MGMT: variants seen among roughly 807,000 people sequenced by gnomAD.
MGMT encodes methylated-DNA--protein-cysteine methyltransferase.
A neutral mutation model predicts 15.9 loss-of-function variants in MGMT; 14 were observed. That is an observed-to-expected ratio of 0.88 (90% CI 0.58 to 1.37). MGMT has a LOEUF of 1.37. MGMT is among the 40% of genes most tolerant of loss of function. MGMT has a pLI of 0.00. For synonymous variants in MGMT, 130 were observed against 118.2 expected (o/e 1.10, Z -0.65); for missense variants, 282 against 268.1 (o/e 1.05, Z -0.36).
At chr10:129,598,718 A>T (rs1358590142) in intron 2 of MGMT, among the ~76,000 whole-genome samples, 2 of 152,194 alleles carry the variant, frequency 1.3e-5, no homozygotes, top group African/African-American at 4.8e-5. Context: ...TAACTAGTAG[A>T]TAATTAAGTG....
chr10:129,617,177 A>G (rs1048296731), intron 2 of MGMT, among the ~76,000 whole-genome samples: 4 of 152,042 alleles, frequency 2.6e-5, no homozygotes, highest in Non-Finnish European at 5.9e-5. Flanking sequence ...CTTTGTGGCC[A>G]TGTGTACTCA....
rs1045102281 is a variant in MGMT, at chr10:129,728,764, G to A, written c.274+20721G>A. Among the ~76,000 whole-genome samples the A allele has an allele frequency of 3.3e-5, 5 of 151,482 alleles. 1 individual carries two copies. Among genetic ancestry groups the A allele is most frequent in the African/African-American group, 9.7e-5 (4 of 41,154 alleles). ...CCACCCCCTGTTCTCTGTCCCCCTG[G>A]TATTGGTTCGTCTGCTTGTGGTAAC... On this transcript the variant is annotated intron_variant, in intron 3 of 4. Transcript: ENST00000651593.
intron 2 of MGMT, among the ~76,000 whole-genome samples, chr10:129,571,653 A>G (rs1296936328): frequency 1.3e-5 from 2 of 152,170 alleles, no homozygotes; most frequent in African/African-American, 4.8e-5. Flanking sequence ...TCTGTCAACC[A>G]TGCTGAGAGG....
At chr10:129,483,559 A>C (rs2119640346) in intron 1 of MGMT, among the ~76,000 whole-genome samples, 1 of 152,178 alleles carries the variant, frequency 6.6e-6, no homozygotes, top group African/African-American at 2.4e-5. Flanking sequence ...TTTGCTTTTT[A>C]ATACTTTAAA....
At chr10:129,491,042 G>A (rs1272462269) in intron 1 of MGMT, among the ~76,000 whole-genome samples, 2 of 151,946 alleles carry the variant, frequency 1.3e-5, no homozygotes. Flanking sequence ...AGTCACTTTT[G>A]TCACTGTTTA....
At chr10:129,568,844 C>T (rs1419363903) in intron 2 of MGMT, among the ~76,000 whole-genome samples, 4 of 152,182 alleles carry the variant, frequency 2.6e-5, no homozygotes, top group African/African-American at 9.7e-5. Flanking sequence ...TCTTCCTGCG[C>T]TGCAACAGCT....
chr10:129,527,533 C>T (rs1278397616), intron 1 of MGMT, among the ~76,000 whole-genome samples: 1 of 152,136 alleles, frequency 6.6e-6, no homozygotes, highest in Middle Eastern at 3.2e-3. Flanking sequence ...AGACAGGCCC[C>T]GTTTTATGCA....
intron 4 of MGMT, among the ~76,000 whole-genome samples, chr10:129,765,289 A>G (rs533269615): frequency 6.6e-6 from 1 of 152,300 alleles, no homozygotes; most frequent in East Asian, 1.9e-4. Context: ...AGACTTCCCC[A>G]CATGCTCCTG....
intron 1 of MGMT, among the ~76,000 whole-genome samples, chr10:129,497,359 C>A (rs1845532761): frequency 6.6e-6 from 1 of 152,132 alleles, no homozygotes. Flanking sequence ...GTGGTGAGGG[C>A]CCTGCAGATT....
chr10:129,525,588 C>CTG, intron 1 of MGMT, among the ~76,000 whole-genome samples: 1 of 152,248 alleles, frequency 6.6e-6, no homozygotes, highest in South Asian at 2.1e-4. Flanking sequence ...GTATTCTTTA[C>CTG]AACCAAAGCA....
chr10:129,622,451 C>A (rs1311938284), intron 2 of MGMT, among the ~76,000 whole-genome samples: 1 of 152,166 alleles, frequency 6.6e-6, no homozygotes, highest in East Asian at 1.9e-4. Context: ...GTGCTGGAAC[C>A]TGATGCGGTC....
rs964253874 is a variant in MGMT, at chr10:129,736,810, C to G, written c.275-22392C>G. ...TCTGTAAAGTATTTTATTTCTCCTTCACTTAAGAAGCTTAGTTTGGCTGGA... is the reference window on the plus strand; with the variant it reads ...TCTGTAAAGTATTTTATTTCTCCTTGACTTAAGAAGCTTAGTTTGGCTGGA... On this transcript the variant is annotated intron_variant, in intron 3 of 4. Transcript: ENST00000651593. 2.6e-5 allele frequency among the ~76,000 whole-genome samples: 4 copies of G among 152,054 alleles called. No individual in the cohort carries two copies. The South Asian group carries it at 6.2e-4, about 24-fold the overall frequency.
At chr10:129,700,770 A>G (rs1165376668) in intron 2 of MGMT, 1 of 152,244 alleles carries the variant, frequency 6.6e-6, no homozygotes, top group Non-Finnish European at 1.5e-5. Context: ...TACCCCTGAA[A>G]GAAAACATCT....
chr10:129,571,844 A>G (rs1398388986), intron 2 of MGMT, among the ~76,000 whole-genome samples: 1 of 152,208 alleles, frequency 6.6e-6, no homozygotes, highest in African/African-American at 2.4e-5. Flanking sequence ...TATAAATATG[A>G]CTTTTATATG....
intron 2 of MGMT, among the ~76,000 whole-genome samples, chr10:129,654,816 G>GT (rs1287695396): frequency 2.0e-5 from 3 of 152,168 alleles, no homozygotes; most frequent in African/African-American, 7.2e-5. Context: ...ATACCTGAGG[G>GT]TGGGGGGCTG....
chr10:129,525,123 C>G (rs1845855290), intron 1 of MGMT, among the ~76,000 whole-genome samples: 1 of 151,074 alleles, frequency 6.6e-6, no homozygotes, highest in South Asian at 2.1e-4. Flanking sequence ...CTATTTCTTT[C>G]ACACACACAC....
At chr10:129,529,572 C>G (rs1015469908) in intron 1 of MGMT, among the ~76,000 whole-genome samples, 2 of 152,166 alleles carry the variant, frequency 1.3e-5, no homozygotes, top group African/African-American at 4.8e-5. Flanking sequence ...TAAGCCATAT[C>G]CACAGGAAGT....
intron 2 of MGMT, among the ~76,000 whole-genome samples, chr10:129,681,937 CAG>C (rs1417126408): frequency 6.6e-6 from 1 of 152,134 alleles, no homozygotes; most frequent in Non-Finnish European, 1.5e-5. Flanking sequence ...ACAATCTGAA[CAG>C]AGACTTCATC....
intron 2 of MGMT, among the ~76,000 whole-genome samples, chr10:129,591,654 G>A (rs1357531113): frequency 1.1e-4 from 17 of 152,340 alleles, no homozygotes; most frequent in East Asian, 3.9e-4. Context: ...CTTGTTGGCC[G>A]GACGCGGTGG....
Sources: allele counts gnomAD v4.1 joint callset (sites outside exome capture counted in the v4.1 genomes callset), GRCh38; gene constraint gnomAD v4.1.1; transcripts MANE v1.5; gene names NCBI Gene and HGNC (gene_info 2026-07-23, HGNC 2026-07-21).